Variants in SMG6 observed in about 807,000 individuals in gnomAD.
The protein encoded by SMG6 is telomerase-binding protein EST1A.
Under a neutral mutation model 142.2 loss-of-function variants are expected in SMG6, and 66 were observed. The observed-to-expected ratio is 0.46, with a 90% CI of 0.38 to 0.57. The LOEUF (loss-of-function observed/expected upper bound fraction) is 0.57. SMG6 is among the 20% of genes least tolerant of loss of function. The pLI, the probability that SMG6 is intolerant of heterozygous loss-of-function variation, is 0.00. For synonymous variants in SMG6, 779 were observed against 702.4 expected, an observed-to-expected ratio of 1.11 and a Z score of -1.72; for missense variants, 1,793 against 1,832.0, an observed-to-expected ratio of 0.98 and a Z score of 0.39.
chr17:2,117,652 T>A (rs566867294), intron 13 of SMG6: 6 of 152,342 alleles, frequency 3.9e-5, no homozygotes, highest in African/African-American at 1.4e-4. Context: ...AGGCTAGCTA[T>A]ACTATGTTCA....
At chr17:2,122,482 C>T (rs912831030) in intron 13 of SMG6, 1 of 152,212 alleles carries the variant, frequency 6.6e-6, no homozygotes, top group Admixed American at 6.5e-5. Context: ...AAGAAGTCTT[C>T]AGCTTGCTGT....
At chr17:2,259,352 G>A (rs974809540) in intron 8 of SMG6, among the ~76,000 whole-genome samples, 1 of 152,134 alleles carries the variant, frequency 6.6e-6, no homozygotes, top group Non-Finnish European at 1.5e-5. Context: ...AGATAAAATT[G>A]TAAAACTGAA....
Position 2,263,035 on chromosome 17 carries a change from C to G in SMG6, c.2662-18316G>C, listed in dbSNP as rs201866451. ...TACTGTAAGATAAAATAGATAAAAA[C>G]AAGAAAGAGAAGCCAAAGAGAAAAA... On this transcript the variant is annotated intron_variant, in intron 8 of 18. Transcript: ENST00000263073. Among the ~76,000 whole-genome samples, 38 of 152,122 alleles carry G rather than the reference C, an allele frequency of 2.5e-4. No homozygotes were observed. In the East Asian group the frequency reaches 7.0e-3, roughly 28 times the overall value.
chr17:2,259,737 G>A (rs1267613143), intron 8 of SMG6, among the ~76,000 whole-genome samples: 1 of 151,232 alleles, frequency 6.6e-6, no homozygotes, highest in African/African-American at 2.4e-5. Flanking sequence ...TAAAGGGACT[G>A]TGCACAGTCC....
chr17:2,238,870 A>C (rs2073734884), intron 9 of SMG6, among the ~76,000 whole-genome samples: 1 of 152,192 alleles, frequency 6.6e-6, no homozygotes, highest in African/African-American at 2.4e-5. Flanking sequence ...AACATGATTA[A>C]AACAAAAGAA....
intron 1 of SMG6, chr17:2,303,262 CG>C: frequency 9.5e-7 from 1 of 1,050,892 alleles, no homozygotes; most frequent in Middle Eastern, 4.4e-4. Flanking sequence ...CCGCGGAGGG[CG>C]GCCTGGAGAG....
At chr17:2,280,310 T>C (rs1167795450) in intron 8 of SMG6, among the ~76,000 whole-genome samples, 2 of 152,176 alleles carry the variant, frequency 1.3e-5, no homozygotes, top group Non-Finnish European at 1.5e-5. Flanking sequence ...TTGCCCAGGC[T>C]GGAGTGCAGT....
At chr17:2,096,369 C>T (rs987270681) in intron 13 of SMG6, among the ~76,000 whole-genome samples, 2 of 152,178 alleles carry the variant, frequency 1.3e-5, no homozygotes, top group African/African-American at 2.4e-5. Context: ...CCACCATGCC[C>T]GGCTAATTTT....
intron 13 of SMG6, among the ~76,000 whole-genome samples, chr17:2,123,012 G>A (rs945313583): frequency 6.6e-6 from 1 of 152,246 alleles, no homozygotes; most frequent in Non-Finnish European, 1.5e-5. Flanking sequence ...GCTGGATGAT[G>A]GCCAGATTCC....
At chr17:2,230,158 C>G (rs2073431358) in intron 10 of SMG6, among the ~76,000 whole-genome samples, 1 of 120,948 alleles carries the variant, frequency 8.3e-6, no homozygotes, top group Admixed American at 1.0e-4. Flanking sequence ...TGCACTCCAG[C>G]CTGGGCCACA....
At chr17:2,236,998 A>G (rs1306042960) in intron 9 of SMG6, 1 of 233,154 alleles carries the variant, frequency 4.3e-6, no homozygotes, top group Non-Finnish European at 7.2e-6. Flanking sequence ...ATACTCAACA[A>G]ATTTCCTGAA....
chr17:2,237,452 T>C (rs889839828), intron 9 of SMG6: 151 of 920,550 alleles, frequency 1.6e-4, no homozygotes, highest in Non-Finnish European at 1.9e-4. Context: ...CACTGACTGT[T>C]CCGCCTAACG....
At chr17:2,294,500 A>ACT (rs1364017086) in intron 4 of SMG6, among the ~76,000 whole-genome samples, 3 of 152,114 alleles carry the variant, frequency 2.0e-5, no homozygotes, top group Admixed American at 6.5e-5. Flanking sequence ...GTCAGACCAG[A>ACT]CTCCAAAGTT....
At chr17:2,231,901 A>C (rs2073507305) in intron 10 of SMG6, among the ~76,000 whole-genome samples, 1 of 152,184 alleles carries the variant, frequency 6.6e-6, no homozygotes, top group Non-Finnish European at 1.5e-5. Context: ...AAACTGGTAG[A>C]GGAAAACAGA....
chr17:2,155,635 T>C (rs536567687), intron 13 of SMG6, among the ~76,000 whole-genome samples: 7 of 152,170 alleles, frequency 4.6e-5, no homozygotes, highest in Non-Finnish European at 7.3e-5. Flanking sequence ...ACTCCTACCA[T>C]AGTGTCTGAT....
At chr17:2,234,283 G>C (rs2073584764) in intron 10 of SMG6, among the ~76,000 whole-genome samples, 1 of 151,142 alleles carries the variant, frequency 6.6e-6, no homozygotes. Context: ...TATTTTTTGA[G>C]ATGGAGTCTC....
At chr17:2,268,906 C>T (rs1447131683) in intron 8 of SMG6, among the ~76,000 whole-genome samples, 4 of 132,788 alleles carry the variant, frequency 3.0e-5, no homozygotes, top group African/African-American at 5.7e-5. Flanking sequence ...AGTTAGACTT[C>T]GTCTCAAAAA....
intron 13 of SMG6, among the ~76,000 whole-genome samples, chr17:2,138,261 A>C (rs993840052): frequency 2.6e-5 from 4 of 152,156 alleles, no homozygotes; most frequent in Admixed American, 6.5e-5. Context: ...ATTTTTTCAA[A>C]TGTAAAGGTT....
At chr17:2,254,194 C>A (rs1417483500) in intron 8 of SMG6, among the ~76,000 whole-genome samples, 1 of 152,184 alleles carries the variant, frequency 6.6e-6, no homozygotes, top group Non-Finnish European at 1.5e-5. Flanking sequence ...CCCATCCACC[C>A]AAATAGTAGG....
Sources: gnomAD v4.1 joint callset for allele counts (sites outside exome capture counted in the v4.1 genomes callset) on GRCh38, gnomAD v4.1.1 for gene constraint, MANE v1.5 for transcripts, NCBI Gene and HGNC (gene_info 2026-07-23, HGNC 2026-07-21) for gene names.